Variants in ADAMTS20 observed in about 807,000 individuals in gnomAD.
ADAMTS20 encodes ADAM metallopeptidase with thrombospondin type 1 motif 20, also known as A disintegrin and metalloproteinase with thrombospondin motifs 20.
ADAMTS20 carries 225 observed loss-of-function variants against 260.1 expected under a neutral mutation model. The observed-to-expected ratio is 0.87, with a 90% confidence interval of 0.78 to 0.97. ADAMTS20 has a LOEUF of 0.97. Among genes scored for constraint, ADAMTS20 ranks in the 50% least tolerant of loss-of-function variants. The pLI is 0.00. For missense variants in ADAMTS20, 2,400 were observed against 2,337.7 expected (o/e 1.03, Z -0.55); for synonymous variants, 802 against 769.5 (o/e 1.04, Z -0.70).
intron 7 of ADAMTS20, among the ~76,000 whole-genome samples, chr12:43,489,187 G>GATA (rs1942565699): frequency 6.6e-6 from 1 of 151,886 alleles, no homozygotes; most frequent in Non-Finnish European, 1.5e-5. Context: ...AAGAAAACAG[G>GATA]ATAATATGTT....
intron 28 of ADAMTS20, among the ~76,000 whole-genome samples, chr12:43,421,284 A>AAAAAAAAAC (rs1941230660): frequency 9.8e-6 from 1 of 102,170 alleles, no homozygotes; most frequent in African/African-American, 3.3e-5. Context: ...TTCATTTACA[A>AAAAAAAAAC]AAAAAAAAAA....
chr12:43,379,494 C>T (rs1468753754), intron 31 of ADAMTS20, among the ~76,000 whole-genome samples: 1 of 152,038 alleles, frequency 6.6e-6, no homozygotes, highest in East Asian at 1.9e-4. Flanking sequence ...AGGCTCTACA[C>T]AAGCAGAAAG....
chr12:43,537,183 C>T (rs1446360385), intron 2 of ADAMTS20, among the ~76,000 whole-genome samples: 1 of 151,966 alleles, frequency 6.6e-6, no homozygotes, highest in Non-Finnish European at 1.5e-5. Context: ...AATCCCCCCA[C>T]CTCAGCCTCC....
At chr12:43,414,983 A>T (rs1418277895) in intron 28 of ADAMTS20, among the ~76,000 whole-genome samples, 2 of 152,332 alleles carry the variant, frequency 1.3e-5, no homozygotes, top group Admixed American at 6.5e-5. Flanking sequence ...ATCTATTCAT[A>T]GAAGTCATAC....
intron 29 of ADAMTS20, among the ~76,000 whole-genome samples, chr12:43,387,569 G>A (rs1940507030): frequency 1.3e-5 from 2 of 152,234 alleles, no homozygotes; most frequent in African/African-American, 4.8e-5. Flanking sequence ...GAACATTTAA[G>A]TCTGCTGAAG....
intron 31 of ADAMTS20, among the ~76,000 whole-genome samples, chr12:43,379,278 C>T (rs1205581377): frequency 6.6e-6 from 1 of 152,118 alleles, no homozygotes; most frequent in Non-Finnish European, 1.5e-5. Context: ...TGCTGAATAA[C>T]AGTTGGAGCA....
At chr12:43,394,976 T>C (rs772589803) in intron 29 of ADAMTS20, among the ~76,000 whole-genome samples, 8 of 152,156 alleles carry the variant, frequency 5.3e-5, no homozygotes, top group Non-Finnish European at 1.2e-4. Context: ...ATTTTTTTAC[T>C]TTTCTTATGG....
rs1940056054 is a variant in ADAMTS20 at position 43,369,327 on chromosome 12, G to C, written c.5501C>G (p.Thr1834Arg). 1 of 1,558,956 alleles carries C rather than the reference G, an allele frequency of 6.4e-7. No homozygotes were observed. The highest frequency in any genetic ancestry group is 8.7e-7 in the Non-Finnish European group (1 of 1,153,764). Residue 1834 changes from threonine to arginine, a missense_variant, in exon 37 of 39, where the codon ACA (threonine) becomes AGA (arginine). Transcript: ENST00000389420. ...GAAAGCACTGTAGCAATCTCCAGCT[G>C]TGGCAAATGGAACTGCATTTCCAAA... The part of the protein sequence containing the change: ...TIFGNAVPFA[T>R]AGDCYSAFRC...
chr12:43,381,958 A>G (rs1221865735), intron 31 of ADAMTS20, among the ~76,000 whole-genome samples: 2 of 152,130 alleles, frequency 1.3e-5, no homozygotes, highest in African/African-American at 4.8e-5. Flanking sequence ...TTATGTTAAA[A>G]AAAAGATGGA....
rs753946361 is a variant in ADAMTS20 at position 43,399,203 on chromosome 12, A to G, written c.4315T>C (p.Tyr1439His). The G allele has an allele frequency of 3.2e-6, 5 of 1,562,762 alleles. No individual in the cohort carries two copies. The highest frequency in any genetic ancestry group is 3.5e-6 in the Non-Finnish European group (4 of 1,155,376). The change falls in exon 29 of 39, where the codon TAC becomes CAC. Residue 1439 changes from tyrosine to histidine, a missense_variant. Physicochemically the swap from Tyr to His is moderately conservative, Grantham distance 83. Coordinates refer to ENST00000389420, the MANE Select transcript of ADAMTS20 (RefSeq NM_025003.5). ...CSASCGKGRK[Y>H]REVFCIDQFQ... ...TGGTCAATGCAAAACACTTCACGGTACTTTCTACCTTTACCACAAGAAGCT... is the reference window on the plus strand; with the variant it reads ...TGGTCAATGCAAAACACTTCACGGTGCTTTCTACCTTTACCACAAGAAGCT...
At chr12:43,463,028 A>G (rs1288650348) in intron 10 of ADAMTS20, 29 bp from the exon 11 acceptor site, 1 of 1,519,038 alleles carries the variant, frequency 6.6e-7, no homozygotes, top group Non-Finnish European at 9.0e-7. Context: ...CAGGCAAGCC[A>G]GTGTAAAGAT....
intron 29 of ADAMTS20, 109 bp from the exon 30 acceptor site, chr12:43,384,086 T>G (rs991497255): frequency 2.0e-6 from 2 of 1,007,480 alleles, no homozygotes; most frequent in Non-Finnish European, 2.8e-6. Flanking sequence ...AGCCTGGTAT[T>G]AAAACATGAA....
chr12:43,547,480 A>C (rs1255288183), intron 2 of ADAMTS20, among the ~76,000 whole-genome samples: 8 of 152,212 alleles, frequency 5.3e-5, no homozygotes, highest in Admixed American at 1.3e-4. Context: ...GACTGCCCAA[A>C]GAGGTGTTCC....
rs535072194 is a variant in ADAMTS20, at chr12:43,426,485, T to C, written c.4108-795A>G. 5.4e-5 allele frequency among the ~76,000 whole-genome samples: 8 copies of C among 147,536 alleles called. No homozygotes were observed. In the South Asian group the frequency reaches 1.8e-3, roughly 33 times the overall value. ...TAAGCAAAAACATTTGACTAAGTCATTCATTTTATTTATCCAAAGCTAATA... is the reference window on the plus strand; with the variant it reads ...TAAGCAAAAACATTTGACTAAGTCACTCATTTTATTTATCCAAAGCTAATA... On this transcript the variant is annotated intron_variant, in intron 27 of 38. Coordinates refer to ENST00000389420, the MANE Select transcript of ADAMTS20 (RefSeq NM_025003.5).
intron 24 of ADAMTS20, 63 bp from the exon 25 acceptor site, chr12:43,428,862 A>G (rs965283308): frequency 5.2e-5 from 72 of 1,390,936 alleles, no homozygotes; most frequent in Non-Finnish European, 6.6e-5. Context: ...TGTCCCTTTT[A>G]CATAGCTGTT....
chr12:43,488,698 C>T (rs1510523), intron 7 of ADAMTS20, among the ~76,000 whole-genome samples: 50,113 of 151,966 alleles, frequency 0.33, 8,889 homozygotes, highest in East Asian at 0.75. Context: ...AGCACCATTA[C>T]GTTAAATAAA....
intron 2 of ADAMTS20, among the ~76,000 whole-genome samples, chr12:43,540,560 G>C (rs990269933): frequency 3.3e-5 from 5 of 151,940 alleles, no homozygotes; most frequent in African/African-American, 9.7e-5. Flanking sequence ...AAATATTAGA[G>C]CTTTGCCTAA....
intron 36 of ADAMTS20, among the ~76,000 whole-genome samples, chr12:43,372,997 T>C (rs1843552035): frequency 6.6e-6 from 1 of 152,198 alleles, no homozygotes; most frequent in Admixed American, 6.5e-5. Context: ...GGAGAGAGAA[T>C]GGACTAGGGA....
intron 11 of ADAMTS20, among the ~76,000 whole-genome samples, chr12:43,461,610 AT>A (rs1179405146): frequency 6.6e-6 from 1 of 152,112 alleles, no homozygotes; most frequent in Admixed American, 6.6e-5. Flanking sequence ...CCAGTCCTGG[AT>A]TTTAATCAGG....
Sources: allele counts gnomAD v4.1 joint callset (sites outside exome capture counted in the v4.1 genomes callset), GRCh38; gene constraint gnomAD v4.1.1; transcripts MANE v1.5; gene names NCBI Gene and HGNC (gene_info 2026-07-23, HGNC 2026-07-21).